SUSD3: variants seen among roughly 807,000 people sequenced by gnomAD.
SUSD3 encodes the protein sushi domain containing 3, also known as sushi domain-containing protein 3.
SUSD3 carries 18 observed loss-of-function variants against 20.6 expected under a neutral mutation model. The observed-to-expected ratio is 0.87, with a 90% CI of 0.60 to 1.30. SUSD3 has a LOEUF of 1.30. SUSD3 is among the 50% of genes most tolerant of loss of function. The probability of loss-of-function intolerance (pLI) is 0.00; values close to 1 mark genes in which losing one functional copy is unlikely to be tolerated. For missense variants in SUSD3, 306 were observed against 346.9 expected (o/e 0.88, Z 0.94); for synonymous variants, 137 against 141.5 (o/e 0.97, Z 0.23).
chr9:93,084,484 G>A (rs1564197594), intron 4 of SUSD3, 53 bp from the exon 5 acceptor site: 2 of 1,490,286 alleles, frequency 1.3e-6, no homozygotes, highest in Admixed American at 2.2e-5. Flanking sequence ...ATGGAGTTGG[G>A]GATTAAACCC....
In SUSD3 at chr9:93,075,411, C is replaced by CTTT. The variant is rs58393196; in HGVS notation, c.89-352_89-350dup. Reference sequence around the variant, plus strand: ...AATCTGCTGATCTCTCTCTGTCCCTCTTTTTTTTTTTTTTTTTTTTTTTGT... The same window carrying CTTT: ...AATCTGCTGATCTCTCTCTGTCCCTCTTTTTTTTTTTTTTTTTTTTTTTTTTGT... On this transcript the variant is annotated intron_variant, in intron 1 of 4. Transcript: ENST00000375472. Among the ~76,000 whole-genome samples, 241 of 101,202 alleles carry CTTT rather than the reference C, an allele frequency of 2.4e-3. 2 individuals are homozygous for CTTT. The highest frequency in any genetic ancestry group is 6.3e-3 in the Middle Eastern group (1 of 158). 66.4% of individuals were successfully genotyped at this position (101,202 alleles called of 152,430 possible).
intron 1 of SUSD3, 85 bp from the exon 2 acceptor site, chr9:93,075,697 GCT>G: frequency 1.1e-6 from 1 of 872,634 alleles, no homozygotes; most frequent in Non-Finnish European, 1.7e-6. Context: ...TGCTGTGCCA[GCT>G]CCTCACTCCA....
chr9:93,069,264 C>T (rs1277214428), intron 1 of SUSD3: 3 of 633,554 alleles, frequency 4.7e-6, no homozygotes, highest in African/African-American at 1.8e-5. Context: ...ATCAGACCCC[C>T]TGATACTGCA....
At chr9:93,076,664 CG>C (rs1276677074) in intron 2 of SUSD3, among the ~76,000 whole-genome samples, 5 of 152,346 alleles carry the variant, frequency 3.3e-5, no homozygotes, top group African/African-American at 1.2e-4. Context: ...AAAATGTTCA[CG>C]TGCTAGGTGA....
At chr9:93,060,428 C>T (rs1326803518) in intron 1 of SUSD3, among the ~76,000 whole-genome samples, 1 of 152,142 alleles carries the variant, frequency 6.6e-6, no homozygotes, top group Non-Finnish European at 1.5e-5. Context: ...ATGATGCCAT[C>T]ATCTGGACTC....
chr9:93,082,943 T>C (rs1262665597), intron 4 of SUSD3, among the ~76,000 whole-genome samples: 1 of 152,146 alleles, frequency 6.6e-6, no homozygotes, highest in Non-Finnish European at 1.5e-5. Flanking sequence ...CACTTCTGCC[T>C]GGTCCCAGCG....
chr9:93,075,921 AC>A lies in SUSD3; in HGVS notation c.228del (p.Trp77GlyfsTer30), dbSNP rs1826138338. On this transcript the variant is annotated frameshift_variant, in exon 2 of 5. Coordinates refer to ENST00000375472, the MANE Select transcript of SUSD3 (RefSeq NM_145006.4). LOFTEE classifies it high-confidence loss of function. ...QMVGSGLLTC[T>X]WKGSIAEWSS... ...GGTGGGGTCTGGGCTCCTCACCTGCACCTGGAAGGGGAGCATCGCTGAGTGG... is the reference window on the plus strand; with the variant it reads ...GGTGGGGTCTGGGCTCCTCACCTGCACTGGAAGGGGAGCATCGCTGAGTGG... 1 of 1,613,056 alleles carries A rather than the reference AC, an allele frequency of 6.2e-7. No individual in the cohort carries two copies.
intron 2 of SUSD3, 67 bp from the exon 3 acceptor site, chr9:93,077,779 C>T (rs1456244523): frequency 1.3e-6 from 2 of 1,593,982 alleles, no homozygotes; most frequent in African/African-American, 1.3e-5. Flanking sequence ...CCCTGAGACC[C>T]CCAACCCCTG....
intron 1 of SUSD3, among the ~76,000 whole-genome samples, chr9:93,065,458 C>T (rs1043771321): frequency 2.8e-4 from 43 of 152,390 alleles, no homozygotes; most frequent in African/African-American, 9.4e-4. Flanking sequence ...CATCCGCCAA[C>T]GGCTACTCCC....
At chr9:93,079,280 T>G (rs7025686) in intron 3 of SUSD3, among the ~76,000 whole-genome samples, 191 bp from the exon 4 acceptor site, 55,716 of 152,164 alleles carry the variant, frequency 0.37, 16,137 homozygotes, top group African/African-American at 0.81. Flanking sequence ...GGGCTGCAAT[T>G]GCAGAGTTTA....
Position 93,079,528 on chromosome 9 carries a change from A to G in SUSD3, c.483A>G (p.Ala161=), listed in dbSNP as rs1429081295. ...AGGACTTGGAGACGGTGCAGGCCGC[A>G]TACCTTGGCCTCAAGCACTTCAACA... ...KDEDLETVQA[A]YLGLKHFNKP... The change falls in exon 4 of 5, where the codon GCA becomes GCG. Residue 161 remains alanine, a synonymous_variant. Coordinates refer to ENST00000375472, the MANE Select transcript of SUSD3 (RefSeq NM_145006.4). 2 of 1,614,150 alleles carry G rather than the reference A, an allele frequency of 1.2e-6. No individual in the cohort carries two copies. Among genetic ancestry groups the G allele is most frequent in the South Asian group, 1.1e-5 (1 of 91,078 alleles).
intron 4 of SUSD3, among the ~76,000 whole-genome samples, chr9:93,084,234 T>C (rs559602320): frequency 6.6e-6 from 1 of 152,060 alleles, no homozygotes; most frequent in South Asian, 2.1e-4. Context: ...TTCTGCACAC[T>C]CTGAATGAGC....
At chr9:93,070,971 C>G (rs143356077) in intron 1 of SUSD3, among the ~76,000 whole-genome samples, 40 of 152,302 alleles carry the variant, frequency 2.6e-4, no homozygotes, top group African/African-American at 9.1e-4. Flanking sequence ...CTAAATAGGG[C>G]ACTGGGCTGA....
intron 1 of SUSD3, among the ~76,000 whole-genome samples, chr9:93,064,740 G>A (rs1825643055): frequency 6.6e-6 from 1 of 152,218 alleles, no homozygotes; most frequent in Admixed American, 6.5e-5. Context: ...AGCTGTGGAG[G>A]TGGCCTTGCT....
chr9:93,081,869 G>A (rs754581333), intron 4 of SUSD3, among the ~76,000 whole-genome samples: 1 of 152,170 alleles, frequency 6.6e-6, no homozygotes, highest in Non-Finnish European at 1.5e-5. Flanking sequence ...ACCCTCCCCT[G>A]TTGAGTGGTC....
intron 1 of SUSD3, among the ~76,000 whole-genome samples, chr9:93,072,916 G>A (rs181332211): frequency 6.6e-6 from 1 of 152,134 alleles, no homozygotes; most frequent in Admixed American, 6.5e-5. Context: ...CAGGTTTGGG[G>A]AGCTCAGAAG....
At chr9:93,068,959 G>A (rs2118937544) in intron 1 of SUSD3, 1 of 547,468 alleles carries the variant, frequency 1.8e-6, no homozygotes, top group East Asian at 2.8e-5. Flanking sequence ...CCAGTAATAA[G>A]TTATACCAAT....
rs75529161 is a variant in SUSD3, at chr9:93,069,272, G to A, written c.89-6512G>A. 5.9e-3 allele frequency: 3,588 copies of A among 609,022 alleles called. 60 individuals are homozygous for A. The highest frequency in any genetic ancestry group is 0.039 in the East Asian group (1,399 of 36,168). 37.7% of individuals were successfully genotyped at this position (609,022 alleles called of 1,614,324 possible). On this transcript the variant is annotated intron_variant, in intron 1 of 4. Coordinates refer to ENST00000375472, the MANE Select transcript of SUSD3 (RefSeq NM_145006.4). ...CTGGGTTATCAGACCCCCTGATACT[G>A]CAGTGCTTGTGTTCAGGCAACTCTC...
intron 1 of SUSD3, among the ~76,000 whole-genome samples, chr9:93,070,728 G>A (rs929096868): frequency 3.9e-5 from 6 of 152,216 alleles, no homozygotes; most frequent in African/African-American, 7.2e-5. Flanking sequence ...CTTTGAGGCC[G>A]GGGCAGGCTC....
Sources: allele counts gnomAD v4.1 joint callset (sites outside exome capture counted in the v4.1 genomes callset), GRCh38; gene constraint gnomAD v4.1.1; transcripts MANE v1.5; gene names NCBI Gene and HGNC (gene_info 2026-07-23, HGNC 2026-07-21).